Variants in RPE observed in about 807,000 individuals in gnomAD.
RPE encodes the protein ribulose-5-phosphate-3-epimerase, also known as ribulose-phosphate 3-epimerase.
A neutral mutation model predicts 24.6 loss-of-function variants in RPE; 16 were observed. That is an observed-to-expected ratio of 0.65 (90% CI 0.44 to 0.99). The LOEUF is 0.99. RPE is among the 50% of genes least tolerant of loss of function. RPE has a pLI of 0.00. For synonymous variants in RPE, 93 were observed against 98.4 expected (o/e 0.94, Z 0.33); for missense variants, 240 against 294.5 (o/e 0.81, Z 1.35).
intron 3 of RPE, 106 bp downstream of exon 3, chr2:210,016,218 C>T: frequency 6.2e-7 from 1 of 1,613,916 alleles, no homozygotes; most frequent in Non-Finnish European, 8.5e-7. Context: ...GCTCTGTCAC[C>T]CAGGCTGAAG....
intron 5 of RPE, chr2:210,018,566 T>C: frequency 1.0e-6 from 1 of 985,236 alleles, no homozygotes; most frequent in Non-Finnish European, 1.2e-6. Context: ...GCTTGATATA[T>C]ACCTATCAAA....
chr2:210,018,619 A>T, intron 5 of RPE: 1 of 985,320 alleles, frequency 1.0e-6, no homozygotes, highest in Non-Finnish European at 1.2e-6. Context: ...GGCTGGCCAG[A>T]TGATGAGTGA....
intron 1 of RPE, among the ~76,000 whole-genome samples, chr2:210,007,736 T>A (rs899087023): frequency 9.2e-5 from 14 of 152,258 alleles, no homozygotes; most frequent in African/African-American, 3.4e-4. Flanking sequence ...ATGTATGTTT[T>A]ATCTATAATC....
intron 1 of RPE, among the ~76,000 whole-genome samples, chr2:210,005,655 CT>C (rs758924737): frequency 4.6e-5 from 7 of 152,034 alleles, no homozygotes; most frequent in Non-Finnish European, 8.8e-5. Flanking sequence ...AGTTCAAAGA[CT>C]TGCTAGCACT....
chr2:210,009,644 G>T lies in RPE; in HGVS notation c.123-13G>T. The T allele has an allele frequency of 6.2e-7, 1 of 1,613,904 alleles. No homozygotes were observed. On this transcript the variant is annotated splice_polypyrimidine_tract_variant and intron_variant, in intron 1 of 5. Transcript: ENST00000359429. ...TGAAAACATTTTCAGAGTAGATTTT[G>T]TTTGTCTTGTAGGCATTTTGTTCCC...
intron 4 of RPE, 49 bp from the exon 5 acceptor site, chr2:210,017,424 C>A (rs1403913034): frequency 5.5e-6 from 6 of 1,081,478 alleles, no homozygotes; most frequent in Middle Eastern, 2.5e-4. Flanking sequence ...CCCACCCCCA[C>A]CAACATACCC....
intron 4 of RPE, 136 bp downstream of exon 4, chr2:210,016,777 T>C: frequency 1.7e-6 from 2 of 1,166,062 alleles, no homozygotes; most frequent in Non-Finnish European, 2.4e-6. Flanking sequence ...ATCATTCTAA[T>C]ACAGTATAAT....
chr2:210,014,906 A>G (rs2093749629), intron 2 of RPE, among the ~76,000 whole-genome samples: 1 of 152,204 alleles, frequency 6.6e-6, no homozygotes, highest in South Asian at 2.1e-4. Flanking sequence ...TTCTTGGTTT[A>G]GCTTGTTTTA....
In RPE at chr2:210,008,589, G is replaced by C. The variant is rs75127550; in HGVS notation, c.123-1068G>C. Among the ~76,000 whole-genome samples, 6 of 17,744 alleles carry C rather than the reference G, an allele frequency of 3.4e-4. No homozygotes were observed. The South Asian group carries it at 0.11, about 329-fold the overall frequency. 11.6% of individuals were successfully genotyped at this position (17,744 alleles called of 152,430 possible). ...ATTACAGGTGTGAGCCACCATGCCC[G>C]GCCCCGGTTTTGTTAAAGATTTAAG... On this transcript the variant is annotated intron_variant, in intron 1 of 5. Transcript: ENST00000359429.
chr2:210,006,956 G>C (rs1419311393), intron 1 of RPE, among the ~76,000 whole-genome samples: 2 of 152,094 alleles, frequency 1.3e-5, no homozygotes, highest in Non-Finnish European at 2.9e-5. Context: ...TCTCTCTCTT[G>C]AATCTCTTCT....
At chr2:210,012,117 A>G (rs992515731) in intron 2 of RPE, among the ~76,000 whole-genome samples, 2 of 152,208 alleles carry the variant, frequency 1.3e-5, no homozygotes, top group Admixed American at 6.5e-5. Context: ...TTAACTGTTC[A>G]GTTTTCATAT....
At chr2:210,011,115 G>A (rs771667557) in intron 2 of RPE, among the ~76,000 whole-genome samples, 1 of 151,966 alleles carries the variant, frequency 6.6e-6, no homozygotes, top group Non-Finnish European at 1.5e-5. Context: ...GTTCACCAAA[G>A]AAAATGTACA....
At chr2:210,005,752 C>G (rs1431157071) in intron 1 of RPE, among the ~76,000 whole-genome samples, 3 of 152,138 alleles carry the variant, frequency 2.0e-5, no homozygotes, top group Non-Finnish European at 4.4e-5. Flanking sequence ...TTCATTTGGC[C>G]CCTTTCCCTA....
At chr2:210,005,073 A>G (rs926927798) in intron 1 of RPE, among the ~76,000 whole-genome samples, 4 of 151,912 alleles carry the variant, frequency 2.6e-5, no homozygotes, top group African/African-American at 9.7e-5. Context: ...AGGGAGATTC[A>G]GCTTCTTCCC....
chr2:210,005,750 G>T (rs553403390), intron 1 of RPE, among the ~76,000 whole-genome samples: 1 of 152,180 alleles, frequency 6.6e-6, no homozygotes, highest in African/African-American at 2.4e-5. Flanking sequence ...ACTTCATTTG[G>T]CCCCTTTCCC....
intron 4 of RPE, among the ~76,000 whole-genome samples, chr2:210,017,265 T>C (rs773670837): frequency 2.0e-4 from 31 of 152,350 alleles, no homozygotes; most frequent in Admixed American, 1.3e-4. Context: ...ACAATACAGA[T>C]TGCTGTTTGC....
At position 210,017,550 on chromosome 2, in the gene RPE, A is replaced by G. The variant is rs759542962; in HGVS notation, c.555A>G (p.Lys185=). ...GAGTAGGTCCTGACACTGTCCATAA[A>G]TGTGCAGAGGTGAGATTGCTCTTCA... is the stretch of plus-strand genomic sequence containing the variant. The part of the protein sequence containing the change: ...DGGVGPDTVH[K]CAEAGANMIV... The change falls in exon 5 of 6, where the codon AAA becomes AAG. Residue 185 remains lysine, a synonymous_variant. Transcript: ENST00000359429. The G allele has an allele frequency of 3.7e-6, 6 of 1,613,748 alleles. No individual in the cohort carries two copies. In the Admixed American group the frequency reaches 6.7e-5, roughly 18 times the overall value.
intron 5 of RPE, chr2:210,018,430 A>G (rs2093809600): frequency 1.0e-6 from 1 of 983,988 alleles, no homozygotes; most frequent in South Asian, 4.7e-5. Flanking sequence ...AGTCTAGCAT[A>G]GTCAGGCTCC....
chr2:210,005,571 C>A (rs114593068), intron 1 of RPE, among the ~76,000 whole-genome samples: 1 of 152,030 alleles, frequency 6.6e-6, no homozygotes, highest in Non-Finnish European at 1.5e-5. Flanking sequence ...TTTCTAAATT[C>A]GCTACCAGGA....
Sources: allele counts gnomAD v4.1 joint callset (sites outside exome capture counted in the v4.1 genomes callset), GRCh38; gene constraint gnomAD v4.1.1; transcripts MANE v1.5; gene names NCBI Gene and HGNC (gene_info 2026-07-23, HGNC 2026-07-21).